Variants in ARID1A observed in about 807,000 individuals in gnomAD.
ARID1A encodes the protein AT-rich interaction domain 1A, also known as AT-rich interactive domain-containing protein 1A.
In ARID1A, 20 loss-of-function variants were observed where a neutral mutation model predicts 212.6. That is an observed-to-expected ratio of 0.09 (90% CI 0.07 to 0.14). ARID1A has a LOEUF of 0.14. ARID1A is among the 10% of genes least tolerant of loss of function. ARID1A has a pLI of 1.00. For synonymous variants in ARID1A, 1,376 were observed against 1,222.1 expected (o/e 1.13, Z -2.63); for missense variants, 2,587 against 3,059.0 (o/e 0.85, Z 3.64).
intron 4 of ARID1A, among the ~76,000 whole-genome samples, chr1:26,758,099 A>G (rs955276562): frequency 6.6e-6 from 1 of 152,184 alleles, no homozygotes; most frequent in Non-Finnish European, 1.5e-5. Context: ...GACTGTAGGA[A>G]GGAGTGGGTG....
Position 26,771,361 on chromosome 1 carries a change from G to A in ARID1A, c.3406+35G>A, listed in dbSNP as rs574264913. 6.2e-7 allele frequency: 1 copy of A among 1,600,072 alleles called. No individual in the cohort carries two copies. Among genetic ancestry groups the A allele is most frequent in the East Asian group, 2.2e-5 (1 of 44,788 alleles). ...GGGTCAGCGGCCCCACCAAGGCTGA[G>A]AGGGCCTGTTGCCCTGGCCTCTTAT... On this transcript the variant is annotated intron_variant, in intron 12 of 19. Coordinates refer to ENST00000324856, the MANE Select transcript of ARID1A (RefSeq NM_006015.6). The surrounding 1 kb of genome is among the most constrained non-coding windows in gnomAD (Gnocchi z 5.4).
At chr1:26,712,694 G>A (rs1287218726) in intron 1 of ARID1A, among the ~76,000 whole-genome samples, 1 of 152,114 alleles carries the variant, frequency 6.6e-6, no homozygotes, top group Non-Finnish European at 1.5e-5. Context: ...GCAAGACCCT[G>A]TCTCAAATAA....
chr1:26,742,017 C>T (rs1437049006), intron 4 of ARID1A, among the ~76,000 whole-genome samples: 3 of 152,124 alleles, frequency 2.0e-5, no homozygotes, highest in Admixed American at 6.6e-5. Context: ...ACAGAATACC[C>T]ACTCCTGTTT....
At position 26,780,959 on chromosome 1, in the gene ARID1A, C is replaced by A; in HGVS notation, c.*203C>A. ...CTCCATCACCTCACGCCTTTCTGTTCCTTGTCCTCACCTTACTCCCCTCAG... is the reference window on the plus strand; with the variant it reads ...CTCCATCACCTCACGCCTTTCTGTTACTTGTCCTCACCTTACTCCCCTCAG... On this transcript the variant is annotated 3_prime_UTR_variant, in exon 20 of 20. Coordinates refer to ENST00000324856, the MANE Select transcript of ARID1A (RefSeq NM_006015.6). This position sits in a 1 kb window ranked among gnomAD's most constrained non-coding sequence, Gnocchi z 7.2. 2 of 681,020 alleles carry A rather than the reference C, an allele frequency of 2.9e-6. No homozygotes were observed. Among genetic ancestry groups the A allele is most frequent in the South Asian group, 2.4e-5 (1 of 41,420 alleles). The allele number at this position is 681,020 out of a possible 1,614,324, so 42.2% of individuals were successfully genotyped here.
chr1:26,750,626 C>T (rs1472169858), intron 4 of ARID1A, among the ~76,000 whole-genome samples: 1 of 151,844 alleles, frequency 6.6e-6, no homozygotes, highest in Non-Finnish European at 1.5e-5. Context: ...CATCTAGAGG[C>T]CAGGAATATC....
At chr1:26,698,170 T>G (rs1429621008) in intron 1 of ARID1A, among the ~76,000 whole-genome samples, 1 of 152,224 alleles carries the variant, frequency 6.6e-6, no homozygotes, top group Non-Finnish European at 1.5e-5. Flanking sequence ...AGCTGAGTGA[T>G]TGGAGTAGTA....
At chr1:26,708,529 C>T (rs1221387951) in intron 1 of ARID1A, among the ~76,000 whole-genome samples, 1 of 151,622 alleles carries the variant, frequency 6.6e-6, no homozygotes, top group Non-Finnish European at 1.5e-5. Context: ...TGTGATCCAC[C>T]TGCCTCGGCC....
At chr1:26,703,193 G>A (rs1466602306) in intron 1 of ARID1A, among the ~76,000 whole-genome samples, 3 of 152,092 alleles carry the variant, frequency 2.0e-5, no homozygotes, top group Non-Finnish European at 4.4e-5. Flanking sequence ...CCAAATATTT[G>A]GGGACTCACT....
Position 26,780,782 on chromosome 1 carries a change from G to GT in ARID1A, c.*27dup. On this transcript the variant is annotated 3_prime_UTR_variant, in exon 20 of 20. Transcript: ENST00000324856. The surrounding 1 kb of genome is among the most constrained non-coding windows in gnomAD (Gnocchi z 7.2). ...CAGCCGTGGGACACCTCCCCCCCCC[G>GT]TGTGTGTGTGCGTGTGTGGAGAACT... The GT allele has an allele frequency of 6.6e-7, 1 of 1,509,280 alleles. No homozygotes were observed. The highest frequency in any genetic ancestry group is 8.9e-7 in the Non-Finnish European group (1 of 1,120,940). 93.5% of individuals were successfully genotyped at this position (1,509,280 alleles called of 1,614,324 possible).
intron 4 of ARID1A, among the ~76,000 whole-genome samples, chr1:26,760,307 T>A (rs1345731609): frequency 2.0e-5 from 3 of 152,132 alleles, no homozygotes; most frequent in Non-Finnish European, 2.9e-5. Flanking sequence ...CAGAGTTGAG[T>A]AGTTTTGAAG....
intron 4 of ARID1A, 61 bp downstream of exon 4, chr1:26,732,853 G>A: frequency 7.2e-7 from 1 of 1,397,606 alleles, no homozygotes; most frequent in African/African-American, 1.4e-5. Flanking sequence ...ATGCAAACTA[G>A]TTAGTTTCTG....
At chr1:26,699,948 C>T (rs947166511) in intron 1 of ARID1A, among the ~76,000 whole-genome samples, 1 of 150,564 alleles carries the variant, frequency 6.6e-6, no homozygotes, top group African/African-American at 2.4e-5. Flanking sequence ...AGATACAGTC[C>T]CTGTTTGGAT....
chr1:26,782,101 G>GT lies in ARID1A; in HGVS notation c.*1346dup, dbSNP rs2081201701. 2 of 223,938 alleles carry GT rather than the reference G, an allele frequency of 8.9e-6. No homozygotes were observed. The highest frequency in any genetic ancestry group is 1.8e-5 in the Non-Finnish European group (2 of 112,260). The allele number at this position is 223,938 out of a possible 1,614,324, so 13.9% of individuals were successfully genotyped here. A position where few individuals can be genotyped will look rare whatever the true frequency, so the allele number is the denominator to read the frequency against. The stretch of plus-strand genomic sequence containing the variant: ...AAGAATAAATGTACATTAAATCTTG[G>GT]TAAGACTTTTGTGAAGCTTTTTATT... On this transcript the variant is annotated 3_prime_UTR_variant, in exon 20 of 20. Coordinates refer to ENST00000324856, the MANE Select transcript of ARID1A (RefSeq NM_006015.6).
At position 26,779,396 on chromosome 1, in the gene ARID1A, G is replaced by C. The variant is rs375198223; in HGVS notation, c.5498G>C (p.Arg1833Pro). The change falls in exon 20 of 20, where the codon CGT becomes CCT. Residue 1833 changes from arginine to proline, a missense_variant. Arg to Pro is a moderately radical substitution (Grantham distance 103). Around this residue, in one of 11 missense-constraint regions of ARID1A, gnomAD observed 890 missense variants for 1,098.2 expected, o/e 0.81. Coordinates refer to ENST00000324856, the MANE Select transcript of ARID1A (RefSeq NM_006015.6). ...GTGGACTGCTCAGATAAGCTTGGGCGTGTGCAGGAGTTTGACAGTGGCCTG... is the reference window on the plus strand; with the variant it reads ...GTGGACTGCTCAGATAAGCTTGGGCCTGTGCAGGAGTTTGACAGTGGCCTG... ...FVVDCSDKLG[R>P]VQEFDSGLLH... 6.2e-7 allele frequency: 1 copy of C among 1,614,172 alleles called. No individual in the cohort carries two copies. The highest frequency in any genetic ancestry group is 8.5e-7 in the Non-Finnish European group (1 of 1,180,034).
intron 1 of ARID1A, among the ~76,000 whole-genome samples, chr1:26,719,757 G>GA (rs932487038): frequency 1.3e-5 from 2 of 150,902 alleles, no homozygotes; most frequent in Non-Finnish European, 3.0e-5. Context: ...CCTGACCAAT[G>GA]TGATGAAAAC....
Position 26,779,577 on chromosome 1 carries a change from C to G in ARID1A, c.5679C>G (p.Asp1893Glu), listed in dbSNP as rs186671944. 6.2e-6 allele frequency: 10 copies of G among 1,614,104 alleles called. No homozygotes were observed. The highest frequency in any genetic ancestry group is 4.5e-5 in the East Asian group (2 of 44,870). ...TTAEGTPGTT[D>E]QEGPPPDGPP... Reference sequence around the variant, plus strand: ...CAGAGGGTACACCAGGGACAACAGACCAGGAGGGGCCCCCACCTGATGGAC... The same window carrying G: ...CAGAGGGTACACCAGGGACAACAGAGCAGGAGGGGCCCCCACCTGATGGAC... The change falls in exon 20 of 20, where the codon GAC becomes GAG. Residue 1893 changes from aspartate (D) to glutamate (E), a missense_variant. Around this residue, in one of 11 missense-constraint regions of ARID1A, gnomAD observed 890 missense variants for 1,098.2 expected, o/e 0.81. Transcript: ENST00000324856.
At chr1:26,717,872 A>G (rs753077377) in intron 1 of ARID1A, among the ~76,000 whole-genome samples, 4 of 152,226 alleles carry the variant, frequency 2.6e-5, no homozygotes, top group Admixed American at 2.0e-4. Context: ...GGGTGAAGAA[A>G]GTATTCCAGG....
At chr1:26,709,647 T>TTA (rs1553147398) in intron 1 of ARID1A, among the ~76,000 whole-genome samples, 1 of 148,064 alleles carries the variant, frequency 6.8e-6, no homozygotes, top group South Asian at 2.1e-4. Context: ...TTTTTTTTTT[T>TTA]AAACTAAAAT....
In ARID1A at chr1:26,780,628, G is replaced by T. The variant is rs372878743; in HGVS notation, c.6730G>T (p.Val2244Leu). ...CCGCGCGCTGCTTGCCTTGGCCAAG[G>T]TGGACGAGAACCACTCAGAGTTTAC... ...AARALLALAK[V>L]DENHSEFTLY... is the part of the protein sequence containing the mutation. The change falls in exon 20 of 20, where the codon GTG (valine) becomes TTG (leucine). Residue 2244 changes from valine (V) to leucine (L), a missense_variant. This residue lies in a region of ARID1A where 16 missense variants were observed against 33.2 expected (regional missense o/e 0.48). Transcript: ENST00000324856. This position sits in a 1 kb window ranked among gnomAD's most constrained non-coding sequence, Gnocchi z 7.2. 2.4e-5 allele frequency: 38 copies of T among 1,613,012 alleles called. No homozygotes were observed. The highest frequency in any genetic ancestry group is 4.0e-5 in the African/African-American group (3 of 74,948).
Sources: gnomAD v4.1 joint callset for allele counts (sites outside exome capture counted in the v4.1 genomes callset) on GRCh38, gnomAD v4.1.1 for gene constraint, gnomAD v4.1.1 regional missense constraint, Gnocchi (gnomAD v3.1) non-coding constraint, MANE v1.5 for transcripts, NCBI Gene and HGNC (gene_info 2026-07-23, HGNC 2026-07-21) for gene names.